TACR1: variants seen among roughly 807,000 people sequenced by gnomAD.
The protein encoded by TACR1 is tachykinin receptor 1.
Under a neutral mutation model 35.8 loss-of-function variants are expected in TACR1, and 25 were observed. The ratio of observed to expected loss-of-function variants is 0.70; its 90% CI spans 0.51 to 0.98. TACR1 has a LOEUF of 0.98. Ranked by LOEUF, TACR1 falls within the 50% of genes least tolerant of loss-of-function variation. The pLI, the probability that TACR1 is intolerant of heterozygous loss-of-function variation, is 0.00. For synonymous variants in TACR1, 195 were observed against 206.7 expected (o/e 0.94, Z 0.48); for missense variants, 478 against 522.9 (o/e 0.91, Z 0.84).
At chr2:75,163,660 A>C (rs1476662490) in intron 1 of TACR1, among the ~76,000 whole-genome samples, 1 of 152,234 alleles carries the variant, frequency 6.6e-6, no homozygotes, top group Non-Finnish European at 1.5e-5. Context: ...TGTGTTAAAA[A>C]TATGATATTC....
At chr2:75,170,953 A>C (rs1236564976) in intron 1 of TACR1, among the ~76,000 whole-genome samples, 1 of 152,234 alleles carries the variant, frequency 6.6e-6, no homozygotes, top group Non-Finnish European at 1.5e-5. Context: ...AGGCCATAAA[A>C]ATTCAGAAAA....
chr2:75,154,206 C>T (rs1015538975), intron 1 of TACR1, among the ~76,000 whole-genome samples: 1 of 152,036 alleles, frequency 6.6e-6, no homozygotes, highest in African/African-American at 2.4e-5. Context: ...CACTCAGGGT[C>T]ATGCTGTTGC....
rs768808935 is a variant in TACR1 at position 75,198,830 on chromosome 2, C to T, written c.105G>A (p.Trp35Ter). 1.2e-6 allele frequency: 2 copies of T among 1,613,978 alleles called. No homozygotes were observed. The highest frequency in any genetic ancestry group is 1.3e-5 in the African/African-American group (1 of 74,936). Reference protein sequence around the residue: ...FVQPAWQIVLWAAAYTVIVVT... With the variant: ...FVQPAWQIVL ...CCACAATGACCGTGTAGGCAGCTGC[C>T]CAAAGGACAATTTGCCAGGCTGGTT... The change falls in exon 1 of 5, where the codon TGG becomes TGA. Residue 35 changes from tryptophan (W) to a stop codon, truncating the protein, a stop_gained. Transcript: ENST00000305249. LOFTEE classifies it high-confidence loss of function.
At position 75,198,847 on chromosome 2, in the gene TACR1, A is replaced by G; in HGVS notation, c.88T>C (p.Trp30Arg). The G allele has an allele frequency of 1.2e-6, 2 of 1,614,154 alleles. No individual in the cohort carries two copies. The highest frequency in any genetic ancestry group is 1.1e-5 in the South Asian group (1 of 91,070). The change falls in exon 1 of 5, where the codon TGG becomes CGG. Residue 30 changes from tryptophan (W) to arginine (R), a missense_variant. Physicochemically the swap from Trp to Arg is moderately radical, Grantham distance 101 (BLOSUM62 -3). Transcript: ENST00000305249. ...GCAGCTGCCCAAAGGACAATTTGCC[A>G]GGCTGGTTGCACGAACTGATTGGGT... ...SEPNQFVQPA[W>R]QIVLWAAAYT...
At position 75,116,000 on chromosome 2, in the gene TACR1, A is replaced by G. The variant is rs1024223918; in HGVS notation, c.584+4574T>C. 5.9e-5 allele frequency among the ~76,000 whole-genome samples: 9 copies of G among 152,196 alleles called. No homozygotes were observed. In the East Asian group the frequency reaches 1.5e-3, roughly 26 times the overall value. On this transcript the variant is annotated intron_variant, in intron 2 of 4. Coordinates refer to ENST00000305249, the MANE Select transcript of TACR1 (RefSeq NM_001058.4). ...AGTTTAAAAAAACAAGGTGCATAACAGTGTGCATAATAGGCTATATTTTGT... is the reference window on the plus strand; with the variant it reads ...AGTTTAAAAAAACAAGGTGCATAACGGTGTGCATAATAGGCTATATTTTGT...
chr2:75,127,813 C>T (rs957626123), intron 1 of TACR1, among the ~76,000 whole-genome samples: 2 of 152,348 alleles, frequency 1.3e-5, no homozygotes, highest in Non-Finnish European at 1.5e-5. Flanking sequence ...TCCTATCTCA[C>T]TACTATCTGT....
intron 1 of TACR1, among the ~76,000 whole-genome samples, chr2:75,141,285 A>G (rs1674396034): frequency 6.6e-6 from 1 of 152,222 alleles, no homozygotes; most frequent in South Asian, 2.1e-4. Flanking sequence ...CCATCCTCAG[A>G]AAATAGCTGG....
chr2:75,172,739 C>T (rs1332686378), intron 1 of TACR1, among the ~76,000 whole-genome samples: 2 of 152,054 alleles, frequency 1.3e-5, no homozygotes, highest in Non-Finnish European at 2.9e-5. Flanking sequence ...TACTTGCATT[C>T]GTTTGAAAAA....
intron 1 of TACR1, among the ~76,000 whole-genome samples, chr2:75,167,686 A>C (rs77031849): frequency 6.6e-6 from 1 of 152,214 alleles, no homozygotes; most frequent in African/African-American, 2.4e-5. Flanking sequence ...TTTTAAACTA[A>C]AAATCAGTAG....
intron 1 of TACR1, among the ~76,000 whole-genome samples, chr2:75,168,694 T>C (rs959433485): frequency 6.6e-6 from 1 of 152,228 alleles, no homozygotes; most frequent in South Asian, 2.1e-4. Flanking sequence ...TTTATGGTAA[T>C]TTGTTACAGT....
chr2:75,080,164 T>C (rs1174724963), intron 2 of TACR1, among the ~76,000 whole-genome samples: 2 of 152,152 alleles, frequency 1.3e-5, no homozygotes, highest in African/African-American at 2.4e-5. Context: ...TCTAATTAAG[T>C]TGGTGTAAAT....
At chr2:75,166,450 A>G (rs1355665101) in intron 1 of TACR1, among the ~76,000 whole-genome samples, 1 of 152,230 alleles carries the variant, frequency 6.6e-6, no homozygotes, top group Non-Finnish European at 1.5e-5. Context: ...AAAATAGTAT[A>G]ATCAACTGAC....
intron 2 of TACR1, among the ~76,000 whole-genome samples, chr2:75,112,801 T>G (rs1384498224): frequency 6.6e-6 from 1 of 152,202 alleles, no homozygotes; most frequent in African/African-American, 2.4e-5. Flanking sequence ...AGAAATATAA[T>G]AACAGATTTC....
chr2:75,049,612 C>T lies in TACR1; in HGVS notation c.1044G>A (p.Val348=). The change falls in exon 5 of 5, where the codon GTG becomes GTA. Residue 348 remains valine, a synonymous_variant. Coordinates refer to ENST00000305249, the MANE Select transcript of TACR1 (RefSeq NM_001058.4). ...STRYLQTQGS[V]YKVSRLETTI... Reference sequence around the variant, plus strand: ...TGGTCTCCAGGCGGCTGACTTTGTACACACTGCCCTGGGTCTGGAGATACC... The same window carrying T: ...TGGTCTCCAGGCGGCTGACTTTGTATACACTGCCCTGGGTCTGGAGATACC... 1 of 1,614,160 alleles carries T rather than the reference C, an allele frequency of 6.2e-7. No individual in the cohort carries two copies. Among genetic ancestry groups the T allele is most frequent in the East Asian group, 2.2e-5 (1 of 44,866 alleles).
At chr2:75,197,712 G>A (rs1395664050) in intron 1 of TACR1, among the ~76,000 whole-genome samples, 1 of 152,150 alleles carries the variant, frequency 6.6e-6, no homozygotes, top group Non-Finnish European at 1.5e-5. Context: ...CCTGTTGGTT[G>A]CCGGAACAGA....
intron 2 of TACR1, among the ~76,000 whole-genome samples, chr2:75,104,173 T>G (rs886749636): frequency 2.6e-5 from 4 of 151,928 alleles, no homozygotes; most frequent in Non-Finnish European, 5.9e-5. Context: ...AGAGACTCAT[T>G]TTGGCTTTAA....
chr2:75,119,253 G>GCTTACAAGTAGCTTACAA (rs2103904949), intron 2 of TACR1, among the ~76,000 whole-genome samples: 1 of 152,320 alleles, frequency 6.6e-6, no homozygotes, highest in Non-Finnish European at 1.5e-5. Flanking sequence ...AGCTTACAAG[G>GCTTACAAGTAGCTTACAA]TGAGAATACA....
At chr2:75,193,216 C>T (rs769429879) in intron 1 of TACR1, among the ~76,000 whole-genome samples, 11 of 152,246 alleles carry the variant, frequency 7.2e-5, no homozygotes, top group Non-Finnish European at 1.0e-4. Context: ...ATATGCTGTT[C>T]GTGACCTTGT....
rs770472061 is a variant in TACR1 at position 75,094,838 on chromosome 2, C to CATAT, written c.584+25732_584+25735dup. On this transcript the variant is annotated intron_variant, in intron 2 of 4. Coordinates refer to ENST00000305249, the MANE Select transcript of TACR1 (RefSeq NM_001058.4). ...AAATTGCAAGCTGAGGAAGCAGAAA[C>CATAT]ATATATATATATATATATATATTTT... Among the ~76,000 whole-genome samples the CATAT allele has an allele frequency of 3.9e-4, 47 of 119,844 alleles. 2 individuals are homozygous for CATAT. Among genetic ancestry groups the CATAT allele is most frequent in the South Asian group, 1.1e-3 (4 of 3,746 alleles). 78.6% of individuals were successfully genotyped at this position (119,844 alleles called of 152,430 possible). A position where few individuals can be genotyped will look rare whatever the true frequency, so the allele number is the denominator to read the frequency against.
Sources: gnomAD v4.1 joint callset for allele counts (sites outside exome capture counted in the v4.1 genomes callset) on GRCh38, gnomAD v4.1.1 for gene constraint, MANE v1.5 for transcripts, NCBI Gene and HGNC (gene_info 2026-07-23, HGNC 2026-07-21) for gene names.